OPCML: variants seen among roughly 807,000 people sequenced by gnomAD.
The protein encoded by OPCML is opioid-binding protein/cell adhesion molecule.
In OPCML, 13 loss-of-function variants were observed where a neutral mutation model predicts 37.8. That is an observed-to-expected ratio of 0.34 (90% CI 0.22 to 0.55). The LOEUF (loss-of-function observed/expected upper bound fraction) is 0.55, where lower values mean the gene tolerates loss of function less well. Ranked by LOEUF, OPCML falls within the 20% of genes least tolerant of loss-of-function variation. The pLI is 0.91. For synonymous variants in OPCML, 176 were observed against 168.8 expected (o/e 1.04, Z -0.33); for missense variants, 341 against 435.6 (o/e 0.78, Z 1.93).
intron 2 of OPCML, among the ~76,000 whole-genome samples, chr11:132,782,684 T>C (rs964544458): frequency 6.6e-6 from 1 of 151,852 alleles, no homozygotes; most frequent in Non-Finnish European, 1.5e-5. Context: ...TTCCTCTTGT[T>C]AGGGATGGGA....
At position 132,844,972 on chromosome 11, in the gene OPCML, TTTTG is replaced by T. The variant is rs1222072052; in HGVS notation, c.146+97950_146+97953del. On this transcript the variant is annotated intron_variant, in intron 2 of 7. Transcript: ENST00000524381. The stretch of plus-strand genomic sequence containing the variant: ...TAAAAAAAAAAAAAACCTATTTTTT[TTTTG>T]TTTTTGTTTTTGTTTTAAAGAAATC... Among the ~76,000 whole-genome samples the T allele has an allele frequency of 2.7e-3, 408 of 152,014 alleles. 3 individuals are homozygous for T. The highest frequency in any genetic ancestry group is 9.4e-3 in the African/African-American group (390 of 41,482).
intron 1 of OPCML, among the ~76,000 whole-genome samples, chr11:132,952,124 G>T (rs1372151581): frequency 1.3e-5 from 2 of 152,202 alleles, no homozygotes; most frequent in South Asian, 4.1e-4. Context: ...GGTTTGATGC[G>T]TATTTGTATG....
At chr11:133,034,342 A>T (rs933856716) in intron 1 of OPCML, among the ~76,000 whole-genome samples, 12 of 60,348 alleles carry the variant, frequency 2.0e-4, no homozygotes, top group Admixed American at 1.1e-3. Flanking sequence ...TGTGTGTGTG[A>T]CAGACAGAGG....
At chr11:132,866,689 C>T (rs550981749) in intron 2 of OPCML, among the ~76,000 whole-genome samples, 18 of 152,198 alleles carry the variant, frequency 1.2e-4, no homozygotes, top group South Asian at 4.2e-4. Context: ...ATAACATTTT[C>T]GAATATACAG....
intron 2 of OPCML, among the ~76,000 whole-genome samples, chr11:132,807,442 T>G (rs922130698): frequency 6.6e-6 from 1 of 152,188 alleles, no homozygotes; most frequent in South Asian, 2.1e-4. Context: ...AAAAAGTTCC[T>G]TGAGAAATGC....
At chr11:132,494,775 A>C (rs1386095395) in intron 4 of OPCML, among the ~76,000 whole-genome samples, 1 of 152,250 alleles carries the variant, frequency 6.6e-6, no homozygotes, top group Non-Finnish European at 1.5e-5. Context: ...TTTGTTGCAG[A>C]AACTTCCTTT....
chr11:132,652,428 G>T (rs976963460), intron 3 of OPCML, among the ~76,000 whole-genome samples: 26 of 151,264 alleles, frequency 1.7e-4, no homozygotes, highest in African/African-American at 5.1e-4. Context: ...CTAGAGCAGA[G>T]AACTAACTTT....
At chr11:133,207,189 A>C (rs1031836878) in intron 1 of OPCML, among the ~76,000 whole-genome samples, 1 of 151,460 alleles carries the variant, frequency 6.6e-6, no homozygotes, top group Non-Finnish European at 1.5e-5. Flanking sequence ...TGTCCCAGCT[A>C]CTCGGGAGGC....
rs76370409 is a variant in OPCML, at chr11:133,050,838, T to C, written c.62-107828A>G. Among the ~76,000 whole-genome samples, 940 of 152,206 alleles carry C rather than the reference T, an allele frequency of 6.2e-3. 18 individuals carry two copies. Among genetic ancestry groups the C allele is most frequent in the African/African-American group, 0.022 (900 of 41,530 alleles). The stretch of plus-strand genomic sequence containing the variant: ...CTAAATCAATCTATTGGGGAAATAT[T>C]AATGCTCTCATTAGGAGGCTTAATT... On this transcript the variant is annotated intron_variant, in intron 1 of 7. Coordinates refer to ENST00000524381, the MANE Select transcript of OPCML (RefSeq NM_001012393.5).
chr11:133,451,048 T>G, intron 1 of OPCML, among the ~76,000 whole-genome samples: 1 of 151,804 alleles, frequency 6.6e-6, no homozygotes, highest in East Asian at 1.9e-4. Context: ...ATTTTTATAT[T>G]GAGTGTTTAT....
intron 3 of OPCML, among the ~76,000 whole-genome samples, chr11:132,558,137 C>T (rs2096400143): frequency 6.6e-6 from 1 of 152,018 alleles, no homozygotes; most frequent in Admixed American, 6.5e-5. Context: ...TATATTTAGA[C>T]CTTCATCTCT....
At chr11:132,447,198 G>A (rs547085010) in intron 4 of OPCML, among the ~76,000 whole-genome samples, 6 of 152,324 alleles carry the variant, frequency 3.9e-5, no homozygotes, top group East Asian at 1.9e-4. Flanking sequence ...TAATTTATTC[G>A]TATAGCAGTG....
Position 132,982,405 on chromosome 11 carries a change from AAAAT to A in OPCML, c.62-39399_62-39396del, listed in dbSNP as rs1215832274. Among the ~76,000 whole-genome samples, 31 of 152,242 alleles carry A rather than the reference AAAAT, an allele frequency of 2.0e-4. No individual in the cohort carries two copies. In the East Asian group the frequency reaches 5.2e-3, roughly 26 times the overall value. On this transcript the variant is annotated intron_variant, in intron 1 of 7. Transcript: ENST00000524381. ...TATAATATCAGACTGCACCCTCCTG[AAAAT>A]AAATAAGGCTCTTTAGGTGTCCAGA...
At chr11:132,940,242 G>T (rs777274005) in intron 2 of OPCML, among the ~76,000 whole-genome samples, 1 of 152,144 alleles carries the variant, frequency 6.6e-6, no homozygotes, top group Non-Finnish European at 1.5e-5. Flanking sequence ...GCAGGCCCAG[G>T]TTTCGTGACT....
At chr11:133,416,277 G>A (rs529731040) in intron 1 of OPCML, among the ~76,000 whole-genome samples, 7 of 152,118 alleles carry the variant, frequency 4.6e-5, no homozygotes, top group Admixed American at 2.6e-4. Flanking sequence ...CTAAAATTTT[G>A]TTCTGATCAT....
intron 1 of OPCML, chr11:133,418,376 C>T (rs1166362447): frequency 7.1e-6 from 7 of 985,214 alleles, no homozygotes; most frequent in Non-Finnish European, 7.2e-6. Flanking sequence ...AGAACTATTT[C>T]AGAAGCCACC....
In OPCML at chr11:133,173,553, C is replaced by T. The variant is rs752162647; in HGVS notation, c.62-230543G>A. ...ATTGTTGCAGTGGTAAATTGTTTCC[C>T]CAAAGGAGGAAGCCACCAGCATTCA... On this transcript the variant is annotated intron_variant, in intron 1 of 7. Transcript: ENST00000524381. The surrounding 1 kb of genome is among the most constrained non-coding windows in gnomAD (Gnocchi z 7.8). Among the ~76,000 whole-genome samples the T allele has an allele frequency of 6.6e-6, 1 of 152,130 alleles. No homozygotes were observed. The highest frequency in any genetic ancestry group is 1.5e-5 in the Non-Finnish European group (1 of 68,038).
intron 2 of OPCML, among the ~76,000 whole-genome samples, chr11:132,745,105 C>T (rs1384897075): frequency 6.6e-6 from 1 of 152,230 alleles, no homozygotes; most frequent in Non-Finnish European, 1.5e-5. Context: ...TTCTCACACA[C>T]AGTAGACTTC....
chr11:133,503,355 A>G (rs559038846), intron 1 of OPCML, among the ~76,000 whole-genome samples: 2 of 152,150 alleles, frequency 1.3e-5, no homozygotes, highest in Non-Finnish European at 2.9e-5. Flanking sequence ...ATGCAGGGTC[A>G]GCGGAGTTTA....
Sources: allele counts gnomAD v4.1 joint callset (sites outside exome capture counted in the v4.1 genomes callset), GRCh38; gene constraint gnomAD v4.1.1; non-coding constraint Gnocchi (gnomAD v3.1); transcripts MANE v1.5; gene names NCBI Gene and HGNC (gene_info 2026-07-23, HGNC 2026-07-21).